Variants in NEK10 observed in about 807,000 individuals in gnomAD.
NEK10 encodes the protein NIMA related kinase 10.
Under a neutral mutation model 159.8 loss-of-function variants are expected in NEK10, and 122 were observed. The observed-to-expected ratio is 0.76, with a 90% confidence interval of 0.66 to 0.89. The LOEUF (loss-of-function observed/expected upper bound fraction) is 0.89. Ranked by LOEUF, NEK10 falls within the 40% of genes least tolerant of loss-of-function variation. The pLI is 0.00. For missense variants in NEK10, 1,342 were observed against 1,323.1 expected, an observed-to-expected ratio of 1.01 and a Z score of -0.22; for synonymous variants, 466 against 457.1, an observed-to-expected ratio of 1.02 and a Z score of -0.25.
intron 29 of NEK10, among the ~76,000 whole-genome samples, chr3:27,163,376 G>A (rs1472017475): frequency 6.6e-6 from 1 of 150,412 alleles, no homozygotes; most frequent in Non-Finnish European, 1.5e-5. Context: ...TTTTTGAGAC[G>A]AGTCTAGCTC....
chr3:27,329,943 C>T (rs1319062184), intron 5 of NEK10, among the ~76,000 whole-genome samples: 3 of 152,090 alleles, frequency 2.0e-5, no homozygotes, highest in Non-Finnish European at 4.4e-5. Flanking sequence ...AGGACACCCA[C>T]GGTTACCAAA....
At chr3:27,366,014 T>TAC (rs796492633) in intron 1 of NEK10, among the ~76,000 whole-genome samples, 8 of 152,256 alleles carry the variant, frequency 5.3e-5, no homozygotes, top group African/African-American at 1.9e-4. Flanking sequence ...ATCCAAGCCA[T>TAC]ACACCCTGTC....
chr3:27,281,787 A>G (rs933156261), intron 22 of NEK10, among the ~76,000 whole-genome samples: 2 of 152,156 alleles, frequency 1.3e-5, no homozygotes, highest in African/African-American at 2.4e-5. Flanking sequence ...CAGCAGGCCT[A>G]AAGTGAAACC....
chr3:27,347,652 A>G (rs1289870525), intron 3 of NEK10, among the ~76,000 whole-genome samples: 1 of 152,112 alleles, frequency 6.6e-6, no homozygotes, highest in African/African-American at 2.4e-5. Flanking sequence ...CTTTTTTATC[A>G]TATGCCAGCC....
chr3:27,113,974 G>A (rs1416066830), intron 35 of NEK10, among the ~76,000 whole-genome samples: 1 of 152,070 alleles, frequency 6.6e-6, no homozygotes, highest in Non-Finnish European at 1.5e-5. Context: ...TACAAGCCAA[G>A]GGCACTTGAA....
chr3:27,321,142 A>G (rs2045594527), intron 6 of NEK10, among the ~76,000 whole-genome samples: 1 of 148,386 alleles, frequency 6.7e-6, no homozygotes, highest in Non-Finnish European at 1.5e-5. Context: ...AGGGCAGGGC[A>G]TAAAAGGAGA....
In NEK10 at chr3:27,213,212, C is replaced by T. The variant is rs543196071; in HGVS notation, c.2091-10655G>A. On this transcript the variant is annotated intron_variant, in intron 23 of 35. Coordinates refer to ENST00000691995, the MANE Select transcript of NEK10 (RefSeq NM_001394966.1). The stretch of plus-strand genomic sequence containing the variant: ...TGCTTCATTCTTTCCTTGCTTTGTG[C>T]GTTCTGTCCAATTCTTTGTTCAAGA... Among the ~76,000 whole-genome samples, 6 of 152,224 alleles carry T rather than the reference C, an allele frequency of 3.9e-5. No individual in the cohort carries two copies. The South Asian group carries it at 1.0e-3, about 26-fold the overall frequency.
chr3:27,306,988 A>T (rs1303774645), intron 11 of NEK10, among the ~76,000 whole-genome samples: 1 of 152,040 alleles, frequency 6.6e-6, no homozygotes, highest in Non-Finnish European at 1.5e-5. Context: ...ATGACTCCAC[A>T]TTCTAATTGG....
chr3:27,132,420 A>G (rs1299016707), intron 31 of NEK10, among the ~76,000 whole-genome samples: 2 of 152,178 alleles, frequency 1.3e-5, no homozygotes, highest in Non-Finnish European at 2.9e-5. Context: ...CAGGAAATAC[A>G]TATCTGCTTT....
intron 23 of NEK10, among the ~76,000 whole-genome samples, chr3:27,246,246 G>A (rs1381505504): frequency 6.6e-6 from 1 of 152,000 alleles, no homozygotes; most frequent in East Asian, 1.9e-4. Flanking sequence ...TAGGTTCAGG[G>A]GTACATCTGC....
chr3:27,365,610 G>GTTTTTTTTTTTTTTTTT (rs71091129), intron 1 of NEK10, among the ~76,000 whole-genome samples: 31 of 99,118 alleles, frequency 3.1e-4, no homozygotes, highest in South Asian at 7.5e-4. Flanking sequence ...TTTTTTTTGT[G>GTTTTTTTTTTTTTTTTT]TTTTTTTTTT....
intron 35 of NEK10, among the ~76,000 whole-genome samples, chr3:27,114,736 G>C (rs970058060): frequency 1.3e-5 from 2 of 152,106 alleles, no homozygotes; most frequent in Non-Finnish European, 1.5e-5. Context: ...TAATTGAAAA[G>C]GAAGGCAGTC....
intron 23 of NEK10, among the ~76,000 whole-genome samples, chr3:27,222,854 T>G (rs1952259688): frequency 6.6e-6 from 1 of 152,066 alleles, no homozygotes; most frequent in Non-Finnish European, 1.5e-5. Flanking sequence ...AAAGCTGAAA[T>G]TTACACATGT....
chr3:27,327,689 A>C (rs1291029773), intron 5 of NEK10, among the ~76,000 whole-genome samples: 14 of 152,236 alleles, frequency 9.2e-5, no homozygotes. Context: ...GAACTGATGC[A>C]AATGGCAGAA....
At chr3:27,305,721 A>G (rs17317652) in intron 11 of NEK10, among the ~76,000 whole-genome samples, 3,112 of 152,230 alleles carry the variant, frequency 0.02, 56 homozygotes, top group Non-Finnish European at 0.029. Context: ...AAACACTACA[A>G]TGCAGGTAAG....
chr3:27,212,965 A>G (rs1951150673), intron 23 of NEK10, among the ~76,000 whole-genome samples: 1 of 152,222 alleles, frequency 6.6e-6, no homozygotes, highest in Admixed American at 6.5e-5. Flanking sequence ...TAGCTATGAC[A>G]GGAAATATCC....
chr3:27,278,653 T>C (rs2041937535), intron 22 of NEK10: 25 of 960,268 alleles, frequency 2.6e-5, no homozygotes, highest in Non-Finnish European at 3.0e-5. Flanking sequence ...CTGAAATCTA[T>C]TAACTATAAT....
intron 32 of NEK10, among the ~76,000 whole-genome samples, chr3:27,124,679 G>A (rs1941734929): frequency 6.6e-6 from 1 of 152,176 alleles, no homozygotes. Context: ...AGGTGAAAAA[G>A]CGTGAGGTTT....
At chr3:27,153,319 CAA>C (rs34333130) in intron 30 of NEK10, among the ~76,000 whole-genome samples, 19 of 90,596 alleles carry the variant, frequency 2.1e-4, no homozygotes, top group African/African-American at 1.3e-4. Flanking sequence ...GACTCCATCT[CAA>C]AAAAAAAAAA....
Sources: gnomAD v4.1 joint callset for allele counts (sites outside exome capture counted in the v4.1 genomes callset) on GRCh38, gnomAD v4.1.1 for gene constraint, MANE v1.5 for transcripts, NCBI Gene and HGNC (gene_info 2026-07-23, HGNC 2026-07-21) for gene names.